The following OTOGL variants were observed in gnomAD, a reference collection of about 807,000 sequenced individuals.
OTOGL encodes the protein otogelin-like protein.
OTOGL carries 285 observed loss-of-function variants against 318.5 expected under a neutral mutation model. The ratio of observed to expected loss-of-function variants is 0.89; its 90% CI spans 0.81 to 0.99. The LOEUF is 0.99. Among genes scored for constraint, OTOGL ranks in the 50% least tolerant of loss-of-function variants. The probability of loss-of-function intolerance (pLI) is 0.00; values close to 1 mark genes in which losing one functional copy is unlikely to be tolerated. For missense variants in OTOGL, 2,899 were observed against 2,845.6 expected, an observed-to-expected ratio of 1.02 and a Z score of -0.43; for synonymous variants, 987 against 936.5, an observed-to-expected ratio of 1.05 and a Z score of -0.99.
chr12:80,119,268 G>A (rs1179081729), intron 1 of OTOGL, among the ~76,000 whole-genome samples: 1 of 152,160 alleles, frequency 6.6e-6, no homozygotes, highest in Non-Finnish European at 1.5e-5. Flanking sequence ...TATCTCTTGA[G>A]CCTGTTCTCT....
At chr12:80,362,732 A>C (rs1003134185) in intron 52 of OTOGL, among the ~76,000 whole-genome samples, 8 of 152,158 alleles carry the variant, frequency 5.3e-5, no homozygotes, top group African/African-American at 1.9e-4. Flanking sequence ...CATCAAGAAA[A>C]GCTTGGAAGA....
In OTOGL at chr12:80,266,615, A is replaced by G. The variant is rs768235762; in HGVS notation, c.2389A>G (p.Ile797Val). 108 of 1,612,386 alleles carry G rather than the reference A, an allele frequency of 6.7e-5. No individual in the cohort carries two copies. Among genetic ancestry groups the G allele is most frequent in the Non-Finnish European group, 8.8e-5 (104 of 1,179,084 alleles). The change falls in exon 21 of 59, where the codon ATA (isoleucine) becomes GTA (valine). Residue 797 changes from isoleucine (I) to valine (V), a missense_variant and splice_region_variant. Coordinates refer to ENST00000547103, the MANE Select transcript of OTOGL (RefSeq NM_001378609.3). ...YEDTLNFCVP[I>V]FHCRCHYRGS... Reference sequence around the variant, plus strand: ...AGACACTCTTAACTTTTGTGTACCCATGTAAGTCGTAGAAACAGGTTGGCA... The same window carrying G: ...AGACACTCTTAACTTTTGTGTACCCGTGTAAGTCGTAGAAACAGGTTGGCA...
chr12:80,196,404 G>T (rs1046851510), intron 1 of OTOGL, among the ~76,000 whole-genome samples: 3 of 152,156 alleles, frequency 2.0e-5, no homozygotes, highest in Non-Finnish European at 2.9e-5. Flanking sequence ...GCTACACTAA[G>T]ATGTACAATG....
intron 24 of OTOGL, among the ~76,000 whole-genome samples, chr12:80,274,509 A>T (rs537077614): frequency 6.6e-6 from 1 of 152,210 alleles, no homozygotes; most frequent in Admixed American, 6.6e-5. Context: ...AAGAAAAGAA[A>T]CTATCTCCAT....
chr12:80,130,837 A>G (rs1263267168), intron 1 of OTOGL, among the ~76,000 whole-genome samples: 2 of 152,214 alleles, frequency 1.3e-5, no homozygotes, highest in African/African-American at 4.8e-5. Flanking sequence ...CATATTTCCT[A>G]TCATGCTATG....
intron 27 of OTOGL, among the ~76,000 whole-genome samples, chr12:80,297,190 C>T (rs569227196): frequency 1.3e-5 from 2 of 152,144 alleles, no homozygotes; most frequent in African/African-American, 2.4e-5. Flanking sequence ...CCCATAGTTG[C>T]CATTTGGGCC....
intron 1 of OTOGL, among the ~76,000 whole-genome samples, chr12:80,184,100 C>A (rs1223944760): frequency 1.3e-5 from 2 of 152,152 alleles, no homozygotes; most frequent in Admixed American, 1.3e-4. Context: ...TATGTTTAAA[C>A]TAGGAATGGA....
In OTOGL at chr12:80,278,217, A is replaced by G. The variant is rs1352070619; in HGVS notation, c.2731A>G (p.Ile911Val). ...KCYVPESCPCIWKDWEYLSGE... is the reference protein window; with the variant it reads ...KCYVPESCPCVWKDWEYLSGE... ...TTATGTTCCTGAAAGCTGCCCATGT[A>G]TTTGGAAAGATTGGGAGTATCTCTC... Residue 911 changes from isoleucine (I) to valine (V), a missense_variant, in exon 25 of 59, where the codon ATT becomes GTT. Physicochemically the swap from Ile to Val is conservative, Grantham distance 29. Around this residue, in one of 3 missense-constraint regions of OTOGL, gnomAD observed 2,607 missense variants for 2,524.9 expected, o/e 1.03. Transcript: ENST00000547103. The G allele has an allele frequency of 1.3e-6, 2 of 1,547,156 alleles. No homozygotes were observed. The highest frequency in any genetic ancestry group is 2.4e-5 in the East Asian group (1 of 40,836).
chr12:80,156,820 C>A (rs1044648799), intron 1 of OTOGL, among the ~76,000 whole-genome samples: 8 of 152,088 alleles, frequency 5.3e-5, no homozygotes, highest in African/African-American at 1.9e-4. Context: ...ATGTCTTTAT[C>A]AGCAGCATGA....
At chr12:80,241,547 T>A (rs1880382207) in intron 11 of OTOGL, among the ~76,000 whole-genome samples, 1 of 152,120 alleles carries the variant, frequency 6.6e-6, no homozygotes. Flanking sequence ...TTGTTCTTAT[T>A]CCACAGTGTC....
At chr12:80,233,981 G>A (rs1407512016) in intron 9 of OTOGL, among the ~76,000 whole-genome samples, 2 of 151,998 alleles carry the variant, frequency 1.3e-5, no homozygotes, top group Admixed American at 6.6e-5. Flanking sequence ...TGAGCACATA[G>A]CTATGTTATT....
intron 34 of OTOGL, among the ~76,000 whole-genome samples, 152 bp downstream of exon 34, chr12:80,320,852 A>G (rs1394100118): frequency 6.6e-6 from 1 of 152,150 alleles, no homozygotes. Flanking sequence ...ATACCCCTCT[A>G]TATCTCCAAT....
At chr12:80,157,639 C>T (rs1873216007) in intron 1 of OTOGL, among the ~76,000 whole-genome samples, 1 of 152,150 alleles carries the variant, frequency 6.6e-6, no homozygotes, top group Non-Finnish European at 1.5e-5. Context: ...CATTTTTCTT[C>T]ATATGGATAT....
chr12:80,311,800 A>T (rs1886651436), intron 30 of OTOGL, among the ~76,000 whole-genome samples: 1 of 152,190 alleles, frequency 6.6e-6, no homozygotes, highest in Non-Finnish European at 1.5e-5. Flanking sequence ...TTCAAGGGAA[A>T]ATTAGAGTTT....
At chr12:80,136,887 T>C (rs1253142068) in intron 1 of OTOGL, among the ~76,000 whole-genome samples, 1 of 152,186 alleles carries the variant, frequency 6.6e-6, no homozygotes, top group Non-Finnish European at 1.5e-5. Flanking sequence ...TCCCATTCTA[T>C]TAGAATGTAA....
At position 80,308,527 on chromosome 12, in the gene OTOGL, C is replaced by T. The variant is rs1371275184; in HGVS notation, c.3334-2084C>T. Among the ~76,000 whole-genome samples the T allele has an allele frequency of 6.6e-3, 1,009 of 152,076 alleles. 14 individuals carry two copies. The highest frequency in any genetic ancestry group is 0.022 in the African/African-American group (925 of 41,498). On this transcript the variant is annotated intron_variant, in intron 29 of 58. Coordinates refer to ENST00000547103, the MANE Select transcript of OTOGL (RefSeq NM_001378609.3). ...GGCTCCTCACATCCCAGACGATGGGCGGCCAGGCGGAGACGCTCCTCACTT... is the reference window on the plus strand; with the variant it reads ...GGCTCCTCACATCCCAGACGATGGGTGGCCAGGCGGAGACGCTCCTCACTT...
At chr12:80,262,785 T>C (rs1298514659) in intron 19 of OTOGL, among the ~76,000 whole-genome samples, 2 of 152,178 alleles carry the variant, frequency 1.3e-5, no homozygotes, top group Admixed American at 6.5e-5. Flanking sequence ...AGATAGAAGA[T>C]ATATACAAGA....
chr12:80,106,274 G>C (rs1027025894), intron 1 of OTOGL, among the ~76,000 whole-genome samples: 5 of 152,138 alleles, frequency 3.3e-5, no homozygotes, highest in African/African-American at 1.2e-4. Context: ...ATTTGGGAGA[G>C]GGTGGCTTTC....
In OTOGL at chr12:80,336,495, C is replaced by T. The variant is rs1481585325; in HGVS notation, c.4683C>T (p.Ile1561=). Residue 1561 remains isoleucine (I), a synonymous_variant, in exon 40 of 59, where the codon ATC becomes ATT. Coordinates refer to ENST00000547103, the MANE Select transcript of OTOGL (RefSeq NM_001378609.3). ...NAALYSMASY[I]LVRIPGEIIV... ...CATTATATAGCATGGCTTCTTATAT[C>T]TTAGTAAGAATTCCTGGTGAAATTA... 1.2e-6 allele frequency: 2 copies of T among 1,608,294 alleles called. No homozygotes were observed. Among genetic ancestry groups the T allele is most frequent in the African/African-American group, 1.3e-5 (1 of 74,742 alleles).
Sources: allele counts gnomAD v4.1 joint callset (sites outside exome capture counted in the v4.1 genomes callset), GRCh38; gene constraint gnomAD v4.1.1; regional missense constraint gnomAD v4.1.1; transcripts MANE v1.5; gene names NCBI Gene and HGNC (gene_info 2026-07-23, HGNC 2026-07-21).